Variants in ARID1B observed in about 807,000 individuals in gnomAD.
ARID1B encodes the protein AT-rich interactive domain-containing protein 1B.
ARID1B carries 30 observed loss-of-function variants against 212.3 expected under a neutral mutation model. The ratio of observed to expected loss-of-function variants is 0.14; its 90% CI spans 0.11 to 0.19. The LOEUF (loss-of-function observed/expected upper bound fraction) is 0.19, where lower values mean the gene tolerates loss of function less well. Among genes scored for constraint, ARID1B ranks in the 10% least tolerant of loss-of-function variants. The pLI is 1.00. For synonymous variants in ARID1B, 1,402 were observed against 1,301.7 expected, an observed-to-expected ratio of 1.08 and a Z score of -1.66; for missense variants, 2,891 against 3,204.0, an observed-to-expected ratio of 0.90 and a Z score of 2.36.
intron 5 of ARID1B, among the ~76,000 whole-genome samples, chr6:157,108,809 T>C (rs1233961751): frequency 6.6e-6 from 1 of 152,146 alleles, no homozygotes; most frequent in Admixed American, 6.5e-5. Context: ...TCCCGACTAG[T>C]TATGGTTCTA....
chr6:157,110,514 C>G lies in ARID1B; in HGVS notation c.2534C>G (p.Ser845Cys). The G allele has an allele frequency of 6.2e-7, 1 of 1,614,174 alleles. No homozygotes were observed. The change falls in exon 6 of 20, where the codon TCC (serine) becomes TGC (cysteine). Residue 845 changes from serine (S) to cysteine (C), a missense_variant. Transcript: ENST00000636930. ...PPQPPGSQSE[S>C]SSHPALSQSP... ...CAGCCACCCGGGAGCCAGTCAGAAT[C>G]CAGTTCCCATCCCGCCTTGAGCCAG...
At chr6:157,173,670 G>GCC (rs1661975313) in intron 9 of ARID1B, 1 of 172,926 alleles carries the variant, frequency 5.8e-6, no homozygotes. Context: ...CTCCTGATTA[G>GCC]TAATTTAAAC....
rs1794546513 is a variant in ARID1B at position 157,207,330 on chromosome 6, A to T, written c.6558A>T (p.Ala2186=). 1 of 1,614,018 alleles carries T rather than the reference A, an allele frequency of 6.2e-7. No individual in the cohort carries two copies. Among genetic ancestry groups the T allele is most frequent in the African/African-American group, 1.3e-5 (1 of 74,926 alleles). ...LHWMVCPSAE[A]QDPFPTVGPN... ...GGATGGTGTGCCCGTCTGCAGAGGC[A>T]CAAGATCCCTTTCCAACTGTGGGAC... Residue 2186 remains alanine (A), a synonymous_variant, in exon 20 of 20, where the codon GCA becomes GCT. Coordinates refer to ENST00000636930, the MANE Select transcript of ARID1B (RefSeq NM_001374828.1). This position sits in a 1 kb window ranked among gnomAD's most constrained non-coding sequence, Gnocchi z 8.5.
At chr6:157,157,262 C>T (rs138008683) in intron 8 of ARID1B, among the ~76,000 whole-genome samples, 1 of 152,186 alleles carries the variant, frequency 6.6e-6, no homozygotes, top group Non-Finnish European at 1.5e-5. Context: ...CCCATAGATA[C>T]ACACTTACAC....
At position 157,178,317 on chromosome 6, in the gene ARID1B, C is replaced by G. The variant is rs374705985; in HGVS notation, c.3505-2652C>G. The stretch of plus-strand genomic sequence containing the variant: ...CAGCCCTCCAGCATGCAGAGCACCA[C>G]GCTAAGTGTTGGTGATCAGCATCCA... On this transcript the variant is annotated intron_variant, in intron 11 of 19. Coordinates refer to ENST00000636930, the MANE Select transcript of ARID1B (RefSeq NM_001374828.1). Among the ~76,000 whole-genome samples, 29 of 152,174 alleles carry G rather than the reference C, an allele frequency of 1.9e-4. 1 individual carries two copies. In the East Asian group the frequency reaches 2.1e-3, roughly 11 times the overall value.
chr6:157,130,835 T>A (rs1298811599), intron 6 of ARID1B, among the ~76,000 whole-genome samples: 2 of 152,230 alleles, frequency 1.3e-5, no homozygotes, highest in Admixed American at 6.5e-5. Flanking sequence ...CCTGCCCGTC[T>A]CCAGCTAGAG....
chr6:156,782,010 G>A (rs1477479942), intron 1 of ARID1B, among the ~76,000 whole-genome samples: 1 of 80,108 alleles, frequency 1.2e-5, no homozygotes, highest in African/African-American at 5.1e-5. Flanking sequence ...TTTTTGTTGA[G>A]GTTGGGGGAA....
rs780172358 is a variant in ARID1B, at chr6:157,148,335, T to C, written c.2762-289T>C. Reference sequence around the variant, plus strand: ...CGGTGTCCCTTGCCTATTCATAGGGTTTGTTTTTTGTTTTTTTGTTTGTTT... The same window carrying C: ...CGGTGTCCCTTGCCTATTCATAGGGCTTGTTTTTTGTTTTTTTGTTTGTTT... On this transcript the variant is annotated intron_variant, in intron 7 of 19. Coordinates refer to ENST00000636930, the MANE Select transcript of ARID1B (RefSeq NM_001374828.1). This position sits in a 1 kb window ranked among gnomAD's most constrained non-coding sequence, Gnocchi z 5.6. 1.3e-5 allele frequency among the ~76,000 whole-genome samples: 2 copies of C among 151,874 alleles called. No individual in the cohort carries two copies. The highest frequency in any genetic ancestry group is 2.4e-5 in the African/African-American group (1 of 41,318).
chr6:156,902,574 T>C (rs1789034651), intron 3 of ARID1B, among the ~76,000 whole-genome samples: 1 of 151,980 alleles, frequency 6.6e-6, no homozygotes. Context: ...AGTTTATGAT[T>C]TGAAGCAAAA....
rs184326737 is a variant in ARID1B at position 156,845,411 on chromosome 6, G to C, written c.1986+15990G>C. 3.9e-5 allele frequency among the ~76,000 whole-genome samples: 6 copies of C among 152,212 alleles called. No homozygotes were observed. The East Asian group carries it at 1.2e-3, about 29-fold the overall frequency. On this transcript the variant is annotated intron_variant, in intron 2 of 19. Transcript: ENST00000636930. ...TTGTCTTTATGTAATCCTCGTTTTA[G>C]TAGGGTTCATCCTGTAGTAGCTTTG...
intron 4 of ARID1B, among the ~76,000 whole-genome samples, chr6:157,053,492 T>C (rs1782739625): frequency 6.6e-6 from 1 of 152,218 alleles, no homozygotes. Context: ...GAGCAGTATA[T>C]AAAACTATTA....
At chr6:156,916,096 T>A (rs1419803129) in intron 3 of ARID1B, among the ~76,000 whole-genome samples, 1 of 152,160 alleles carries the variant, frequency 6.6e-6, no homozygotes, top group African/African-American at 2.4e-5. Flanking sequence ...CTCACAGAAT[T>A]TGGAATTAGG....
chr6:157,025,407 A>G (rs957166278), intron 4 of ARID1B, among the ~76,000 whole-genome samples: 60 of 152,228 alleles, frequency 3.9e-4, no homozygotes, highest in Non-Finnish European at 5.9e-5. Flanking sequence ...ACAGTATTCT[A>G]GTAGGACGGT....
chr6:156,817,217 A>C (rs1315902089), intron 1 of ARID1B, among the ~76,000 whole-genome samples: 1 of 151,916 alleles, frequency 6.6e-6, no homozygotes, highest in Non-Finnish European at 1.5e-5. Flanking sequence ...CTCTACTAAA[A>C]ATACAAAAAA....
chr6:157,120,934 C>T (rs976247044), intron 6 of ARID1B, among the ~76,000 whole-genome samples: 5 of 152,172 alleles, frequency 3.3e-5, no homozygotes, highest in African/African-American at 1.2e-4. Flanking sequence ...GGCCTGGCCA[C>T]GCACGCTTTC....
intron 1 of ARID1B, among the ~76,000 whole-genome samples, chr6:156,821,663 A>G (rs991134873): frequency 6.6e-6 from 1 of 152,212 alleles, no homozygotes; most frequent in East Asian, 1.9e-4. Context: ...ATAACGTGAG[A>G]ATATATTAAA....
At chr6:156,884,057 T>G (rs1787315996) in intron 2 of ARID1B, among the ~76,000 whole-genome samples, 1 of 152,196 alleles carries the variant, frequency 6.6e-6, no homozygotes, top group African/African-American at 2.4e-5. Context: ...CTGCTGATTA[T>G]GACTCATTAA....
rs1303216691 is a variant in ARID1B, at chr6:157,206,748, A to G, written c.5976A>G (p.Gln1992=). The G allele has an allele frequency of 1.5e-5, 24 of 1,613,396 alleles. No homozygotes were observed. The highest frequency in any genetic ancestry group is 2.0e-5 in the Non-Finnish European group (24 of 1,180,024). ...QEGKGDSEEQ[Q]EKSIIATIDD... ...GCAAAGGCGACTCTGAAGAGCAGCA[A>G]GAGAAAAGCATCATAGCAACCATCG... Residue 1992 remains glutamine (Q), a synonymous_variant, in exon 20 of 20, where the codon CAA becomes CAG. Transcript: ENST00000636930. The surrounding 1 kb of genome is among the most constrained non-coding windows in gnomAD (Gnocchi z 6.8).
intron 2 of ARID1B, among the ~76,000 whole-genome samples, chr6:156,859,190 T>C (rs1461401959): frequency 1.3e-5 from 2 of 152,164 alleles, no homozygotes; most frequent in Non-Finnish European, 2.9e-5. Context: ...TTCAGCTCAC[T>C]GCAACCTCCG....
Sources: allele counts gnomAD v4.1 joint callset (sites outside exome capture counted in the v4.1 genomes callset), GRCh38; gene constraint gnomAD v4.1.1; non-coding constraint Gnocchi (gnomAD v3.1); transcripts MANE v1.5; gene names NCBI Gene and HGNC (gene_info 2026-07-23, HGNC 2026-07-21).